Variants in EPN2 observed in about 807,000 individuals in gnomAD.
EPN2 encodes the protein epsin-2.
Under a neutral mutation model 61.7 loss-of-function variants are expected in EPN2, and 34 were observed. The observed-to-expected ratio is 0.55, with a 90% CI of 0.42 to 0.73. EPN2 has a LOEUF of 0.73. EPN2 is among the 30% of genes least tolerant of loss of function. The pLI, the probability that EPN2 is intolerant of heterozygous loss-of-function variation, is 0.00. For synonymous variants in EPN2, 349 were observed against 353.6 expected (o/e 0.99, Z 0.15); for missense variants, 714 against 839.2 (o/e 0.85, Z 1.84).
intron 4 of EPN2, among the ~76,000 whole-genome samples, chr17:19,287,341 A>G (rs1392799813): frequency 6.6e-6 from 1 of 151,910 alleles, no homozygotes; most frequent in Admixed American, 6.6e-5. Flanking sequence ...AAAAATGAGT[A>G]TTTTTTTCTT....
In EPN2 at chr17:19,244,480, A is replaced by ATTGTAACT. The variant is rs1320864283; in HGVS notation, c.-294+6951_-294+6958dup. Among the ~76,000 whole-genome samples the ATTGTAACT allele has an allele frequency of 3.3e-5, 5 of 151,956 alleles. No homozygotes were observed. In the East Asian group the frequency reaches 9.6e-4, roughly 29 times the overall value. ...CTCAAAAAAAAAAAAAAAAGAAAGA[A>ATTGTAACT]TTGTAACTTGAAAAGGTTGAGGGAG... On this transcript the variant is annotated intron_variant, in intron 1 of 10. Coordinates refer to ENST00000314728, the MANE Select transcript of EPN2 (RefSeq NM_014964.5).
intron 1 of EPN2, among the ~76,000 whole-genome samples, chr17:19,273,482 AG>A (rs1396896544): frequency 6.6e-6 from 1 of 152,276 alleles, no homozygotes; most frequent in East Asian, 1.9e-4. Flanking sequence ...ATGAGTATAA[AG>A]GTTTTTTAGC....
At chr17:19,331,525 A>C (rs1440730141) in intron 9 of EPN2, among the ~76,000 whole-genome samples, 1 of 152,198 alleles carries the variant, frequency 6.6e-6, no homozygotes, top group Non-Finnish European at 1.5e-5. Context: ...AAGAAAAAAA[A>C]AAAAAAGTAA....
In EPN2 at chr17:19,329,545, TTCTGTG is replaced by T. The variant is rs1295352037; in HGVS notation, c.1325-13_1325-8del. 6.4e-7 allele frequency: 1 copy of T among 1,569,606 alleles called. No individual in the cohort carries two copies. The highest frequency in any genetic ancestry group is 1.7e-5 in the Admixed American group (1 of 59,620). On this transcript the variant is annotated splice_polypyrimidine_tract_variant and intron_variant, in intron 8 of 10. Coordinates refer to ENST00000314728, the MANE Select transcript of EPN2 (RefSeq NM_014964.5). ...CTGTGAGATGCCCCCAGTCATTGGCTTCTGTGTCCACCCAGGGTCCTTTGAGCTCTT... is the reference window on the plus strand; with the variant it reads ...CTGTGAGATGCCCCCAGTCATTGGCTTCCACCCAGGGTCCTTTGAGCTCTT...
chr17:19,285,645 G>A lies in EPN2; in HGVS notation c.621G>A (p.Gln207=). Residue 207 remains glutamine, a synonymous_variant, in exon 4 of 11, where the codon CAG becomes CAA. Coordinates refer to ENST00000314728, the MANE Select transcript of EPN2 (RefSeq NM_014964.5). The surrounding 1 kb of genome is among the most constrained non-coding windows in gnomAD (Gnocchi z 4.5). ...HGSPEASLCP[Q]HRTGAPLGQS... is the part of the protein sequence containing the mutation. ...CGCCTGAGGCCTCGCTGTGCCCCCA[G>A]CACCGCACAGGGGCCCCGCTGGGTC... 6.4e-7 allele frequency: 1 copy of A among 1,563,190 alleles called. No individual in the cohort carries two copies. The highest frequency in any genetic ancestry group is 2.4e-5 in the East Asian group (1 of 42,384).
intron 4 of EPN2, 67 bp from the exon 5 acceptor site, chr17:19,309,818 G>T: frequency 2.3e-6 from 3 of 1,299,890 alleles, no homozygotes; most frequent in Admixed American, 3.4e-5. Context: ...GTCTGCCCAG[G>T]AAACTGCTGT....
At chr17:19,300,497 C>G (rs143854910) in intron 4 of EPN2, among the ~76,000 whole-genome samples, 1 of 133,166 alleles carries the variant, frequency 7.5e-6, no homozygotes, top group Non-Finnish European at 1.6e-5. Flanking sequence ...GGTGCAATCT[C>G]GGCTCACTGC....
intron 7 of EPN2, among the ~76,000 whole-genome samples, chr17:19,326,890 C>T (rs947604368): frequency 6.6e-6 from 1 of 151,824 alleles, no homozygotes; most frequent in African/African-American, 2.4e-5. Context: ...CAAATTGGCA[C>T]CTTATAGGAG....
intron 9 of EPN2, among the ~76,000 whole-genome samples, chr17:19,330,985 T>TA (rs1192640498): frequency 3.3e-5 from 5 of 152,174 alleles, no homozygotes; most frequent in African/African-American, 4.8e-5. Flanking sequence ...GCACTGGTGT[T>TA]ATTGGTGTTT....
intron 1 of EPN2, among the ~76,000 whole-genome samples, chr17:19,254,060 A>T (rs569174607): frequency 6.6e-6 from 1 of 151,820 alleles, no homozygotes; most frequent in East Asian, 1.9e-4. Context: ...TGAACCCAGG[A>T]GGCGGAGGTA....
chr17:19,313,255 A>G lies in EPN2; in HGVS notation c.1123A>G (p.Thr375Ala). The G allele has an allele frequency of 2.6e-6, 4 of 1,558,222 alleles. No homozygotes were observed. The highest frequency in any genetic ancestry group is 3.5e-6 in the Non-Finnish European group (4 of 1,156,976). ...PWGGPAAPAS[T>A]SDPWPSFGTK... is the part of the protein sequence containing the mutation. ...GGGCGGGCCAGCGGCTCCTGCGAGT[A>G]CTTCAGACCCCTGGCCATCGTTTGG... The change falls in exon 7 of 11, where the codon ACT (threonine) becomes GCT (alanine). Residue 375 changes from threonine (T) to alanine (A), a missense_variant. Physicochemically the swap from Thr to Ala is moderately conservative, Grantham distance 58. Around this residue, in one of 2 missense-constraint regions of EPN2, gnomAD observed 410 missense variants for 421.8 expected, o/e 0.97. Coordinates refer to ENST00000314728, the MANE Select transcript of EPN2 (RefSeq NM_014964.5).
chr17:19,306,330 A>G (rs1243123531), intron 4 of EPN2: 2 of 152,250 alleles, frequency 1.3e-5, no homozygotes, highest in Admixed American at 1.3e-4. Context: ...CCAAGGCAAG[A>G]ATATCTCTGC....
intron 7 of EPN2, among the ~76,000 whole-genome samples, chr17:19,323,884 G>C (rs1362599314): frequency 1.3e-5 from 2 of 152,204 alleles, no homozygotes; most frequent in African/African-American, 4.8e-5. Context: ...CAGCACATCT[G>C]TACCACAGAA....
At chr17:19,272,933 G>A (rs1392741941) in intron 1 of EPN2, among the ~76,000 whole-genome samples, 1 of 152,158 alleles carries the variant, frequency 6.6e-6, no homozygotes, top group African/African-American at 2.4e-5. Flanking sequence ...TAAAAAGACT[G>A]CATTTCCTCA....
At chr17:19,327,405 C>T (rs958387196) in intron 7 of EPN2, among the ~76,000 whole-genome samples, 3 of 152,138 alleles carry the variant, frequency 2.0e-5, no homozygotes, top group Admixed American at 6.5e-5. Flanking sequence ...GGCATGGTGG[C>T]TCACACCTGT....
At chr17:19,289,230 G>A (rs932017953) in intron 4 of EPN2, among the ~76,000 whole-genome samples, 27 of 151,794 alleles carry the variant, frequency 1.8e-4, no homozygotes, top group African/African-American at 5.1e-4. Flanking sequence ...GACTACAGGC[G>A]CCCGCCACCA....
intron 4 of EPN2, chr17:19,297,128 C>T (rs371682249): frequency 3.9e-5 from 6 of 152,330 alleles, no homozygotes; most frequent in South Asian, 2.1e-4. Context: ...GTCAGTCACT[C>T]CTCATCTTCA....
intron 5 of EPN2, 51 bp downstream of exon 5, chr17:19,310,048 G>A (rs751475132): frequency 1.5e-6 from 2 of 1,316,076 alleles, no homozygotes; most frequent in South Asian, 1.2e-5. Flanking sequence ...TGCTCAGGGT[G>A]GAGTGTGGCT....
At chr17:19,288,647 T>TGGGGGTGGAGCGTGGC (rs1196217408) in intron 4 of EPN2, among the ~76,000 whole-genome samples, 4 of 151,900 alleles carry the variant, frequency 2.6e-5, no homozygotes, top group Non-Finnish European at 5.9e-5. Flanking sequence ...GGCCAGTATG[T>TGGGGGTGGAGCGTGGC]GGGGGTGGAG....
Sources: allele counts gnomAD v4.1 joint callset (sites outside exome capture counted in the v4.1 genomes callset), GRCh38; gene constraint gnomAD v4.1.1; regional missense constraint gnomAD v4.1.1; non-coding constraint Gnocchi (gnomAD v3.1); transcripts MANE v1.5; gene names NCBI Gene and HGNC (gene_info 2026-07-23, HGNC 2026-07-21).